The following TMCO6 variants were observed in gnomAD, a reference collection of about 807,000 sequenced individuals.
TMCO6 encodes transmembrane and coiled-coil domain-containing protein 6.
In TMCO6, 47 loss-of-function variants were observed where a neutral mutation model predicts 61.8. The observed-to-expected ratio is 0.76, with a 90% CI of 0.60 to 0.97. TMCO6 has a LOEUF of 0.97. Ranked by LOEUF, TMCO6 falls within the 50% of genes least tolerant of loss-of-function variation. The pLI, the probability that TMCO6 is intolerant of heterozygous loss-of-function variation, is 0.00. For synonymous variants in TMCO6, 261 were observed against 254.2 expected, an observed-to-expected ratio of 1.03 and a Z score of -0.25; for missense variants, 557 against 601.6, an observed-to-expected ratio of 0.93 and a Z score of 0.78.
At chr5:140,633,268 C>A in the TMCO6 span, 1 of 678,960 alleles carries the variant, frequency 1.5e-6, no homozygotes, top group South Asian at 1.7e-5. Flanking sequence ...CACCTCTCTT[C>A]CTCCGAGCCA....
the TMCO6 span, among the ~76,000 whole-genome samples, chr5:140,612,501 G>T: frequency 4.1e-4 from 63 of 152,220 alleles, no homozygotes; most frequent in Non-Finnish European, 7.4e-4. Context: ...CACGGCGCCC[G>T]GCTCATTTTT....
In TMCO6 at chr5:140,639,487, G is replaced by C; in HGVS notation, c.-41G>C. On this transcript the variant is annotated 5_prime_UTR_variant, in exon 1 of 12. Transcript: ENST00000394671. The stretch of plus-strand genomic sequence containing the variant: ...CATCTTCTACGCCCCTGGGAGCGTT[G>C]TGGCTGCTGTTTCCTTCGGCTTTCC... 1 of 1,540,048 alleles carries C rather than the reference G, an allele frequency of 6.5e-7. No homozygotes were observed. The highest frequency in any genetic ancestry group is 8.8e-7 in the Non-Finnish European group (1 of 1,138,542).
chr5:140,626,547 T>C, the TMCO6 span, among the ~76,000 whole-genome samples: 8 of 152,094 alleles, frequency 5.3e-5, no homozygotes, highest in Non-Finnish European at 1.2e-4. Flanking sequence ...ATTACAGGCA[T>C]TGTATCCCAT....
chr5:140,606,498 T>G, the TMCO6 span, among the ~76,000 whole-genome samples: 1 of 152,236 alleles, frequency 6.6e-6, no homozygotes, highest in South Asian at 2.1e-4. Flanking sequence ...TTCCTTATTT[T>G]GTTTATCTAT....
the TMCO6 span, among the ~76,000 whole-genome samples, chr5:140,612,618 C>T: frequency 2.0e-5 from 3 of 152,080 alleles, no homozygotes; most frequent in African/African-American, 7.2e-5. Context: ...GGATTACAGG[C>T]GTGAGCCACC....
chr5:140,616,075 T>C, the TMCO6 span, among the ~76,000 whole-genome samples: 2 of 151,628 alleles, frequency 1.3e-5, no homozygotes, highest in African/African-American at 4.9e-5. Flanking sequence ...GAGGTTGCAG[T>C]GAGCCGAGGC....
At chr5:140,626,580 C>T in the TMCO6 span, among the ~76,000 whole-genome samples, 1 of 152,078 alleles carries the variant, frequency 6.6e-6, no homozygotes, top group African/African-American at 2.4e-5. Context: ...CCCTTGACCA[C>T]CCCACTTCTA....
chr5:140,618,171 C>T, the TMCO6 span, among the ~76,000 whole-genome samples: 1 of 152,210 alleles, frequency 6.6e-6, no homozygotes, highest in African/African-American at 2.4e-5. Flanking sequence ...TGGCTCACAC[C>T]TGTAATCCCA....
In TMCO6 at chr5:140,641,727, G is replaced by C. The variant is rs756659886; in HGVS notation, c.261G>C (p.Leu87=). The C allele has an allele frequency of 6.2e-7, 1 of 1,614,096 alleles. No individual in the cohort carries two copies. The highest frequency in any genetic ancestry group is 8.5e-7 in the Non-Finnish European group (1 of 1,180,044). The change falls in exon 3 of 12, where the codon CTG becomes CTC. Residue 87 remains leucine, a synonymous_variant. Transcript: ENST00000394671. ...AGGAAAAGGAGAGAGAGGGGGCTCT[G>C]GTCAGCCTTCGTCGAGGCTTGCAGC... ...GTEEKEREGA[L]VSLRRGLQHP... is the part of the protein sequence containing the mutation.
At chr5:140,637,262 G>A (rs5744441), upstream of TMCO6, among the ~76,000 whole-genome samples, 29,844 of 152,106 alleles carry the variant, frequency 0.2, 3,471 homozygotes, top group East Asian at 0.3. Context: ...GTAGGGCTAA[G>A]TCGGCCACAA....
the TMCO6 span, among the ~76,000 whole-genome samples, chr5:140,617,904 G>A: frequency 1.3e-5 from 2 of 152,178 alleles, no homozygotes; most frequent in Non-Finnish European, 2.9e-5. Context: ...CAGTGGGAAT[G>A]TAAAATGGTG....
intron 10 of TMCO6, 126 bp downstream of exon 10, chr5:140,644,320 C>A: frequency 9.2e-7 from 1 of 1,091,176 alleles, no homozygotes; most frequent in Non-Finnish European, 1.4e-6. Context: ...CAGGGCCCAA[C>A]CAATCTAGGT....
chr5:140,611,978 G>A, the TMCO6 span, among the ~76,000 whole-genome samples: 1 of 152,170 alleles, frequency 6.6e-6, no homozygotes, highest in South Asian at 2.1e-4. Flanking sequence ...GTTTGTGTTG[G>A]AGAAAAGAAG....
chr5:140,600,136 T>C, the TMCO6 span, among the ~76,000 whole-genome samples: 3 of 152,214 alleles, frequency 2.0e-5, no homozygotes, highest in African/African-American at 7.2e-5. Flanking sequence ...TCATCCAAAA[T>C]GTTATGGGTA....
the TMCO6 span, chr5:140,631,913 C>T: frequency 6.3e-7 from 1 of 1,599,304 alleles, no homozygotes; most frequent in Admixed American, 1.7e-5. Flanking sequence ...CCCCCACCGA[C>T]AGGGTCGAAC....
At chr5:140,630,194 A>G in the TMCO6 span, among the ~76,000 whole-genome samples, 1 of 151,770 alleles carries the variant, frequency 6.6e-6, no homozygotes, top group African/African-American at 2.4e-5. Context: ...GGGTTTCATC[A>G]TGTTAGCCAG....
the TMCO6 span, among the ~76,000 whole-genome samples, chr5:140,602,103 T>A: frequency 6.6e-6 from 1 of 152,224 alleles, no homozygotes; most frequent in African/African-American, 2.4e-5. Flanking sequence ...CTATTCTCCA[T>A]ATACACTAGG....
the TMCO6 span, among the ~76,000 whole-genome samples, chr5:140,609,651 A>AAAAAAT: frequency 6.6e-6 from 1 of 151,948 alleles, no homozygotes; most frequent in African/African-American, 2.4e-5. Context: ...ACACACCAAA[A>AAAAAAT]AAAAAAGAAT....
At chr5:140,627,177 T>C in the TMCO6 span, among the ~76,000 whole-genome samples, 1 of 151,370 alleles carries the variant, frequency 6.6e-6, no homozygotes, top group African/African-American at 2.4e-5. Flanking sequence ...CTCAATTGCA[T>C]ATGTTACAAT....
Sources: gnomAD v4.1 joint callset for allele counts (sites outside exome capture counted in the v4.1 genomes callset) on GRCh38, gnomAD v4.1.1 for gene constraint, MANE v1.5 for transcripts, NCBI Gene and HGNC (gene_info 2026-07-23, HGNC 2026-07-21) for gene names.